LMX1A: variants seen among roughly 807,000 people sequenced by gnomAD.
LMX1A encodes LIM homeobox transcription factor 1-alpha.
LMX1A carries 15 observed loss-of-function variants against 49.1 expected under a neutral mutation model. That is an observed-to-expected ratio of 0.31 (90% CI 0.20 to 0.47). The LOEUF (loss-of-function observed/expected upper bound fraction) is 0.47. Ranked by LOEUF, LMX1A falls within the 20% of genes least tolerant of loss-of-function variation. The probability of loss-of-function intolerance (pLI) is 1.00; values close to 1 mark genes in which losing one functional copy is unlikely to be tolerated. For synonymous variants in LMX1A, 167 were observed against 185.7 expected (o/e 0.90, Z 0.82); for missense variants, 372 against 475.8 (o/e 0.78, Z 2.03).
intron 4 of LMX1A, among the ~76,000 whole-genome samples, chr1:165,240,623 C>A (rs1487700190): frequency 1.3e-5 from 2 of 152,148 alleles, no homozygotes; most frequent in African/African-American, 4.8e-5. Flanking sequence ...AGGTGGCCGC[C>A]TGGAAGGACA....
At chr1:165,324,946 A>C (rs756049049) in intron 3 of LMX1A, among the ~76,000 whole-genome samples, 2 of 152,176 alleles carry the variant, frequency 1.3e-5, no homozygotes, top group Non-Finnish European at 2.9e-5. Context: ...CTTCTATACC[A>C]ATGTTATAAC....
At chr1:165,280,503 T>A (rs192739186) in intron 3 of LMX1A, among the ~76,000 whole-genome samples, 1 of 152,364 alleles carries the variant, frequency 6.6e-6, no homozygotes, top group African/African-American at 2.4e-5. Flanking sequence ...CTTCTCATAT[T>A]TATTCAATGC....
chr1:165,257,402 C>T (rs1653287955), intron 3 of LMX1A, among the ~76,000 whole-genome samples: 1 of 151,790 alleles, frequency 6.6e-6, no homozygotes, highest in South Asian at 2.1e-4. Flanking sequence ...GGTCTTGAGA[C>T]TCCACTGCAG....
chr1:165,279,688 C>G (rs1464907751), intron 3 of LMX1A, among the ~76,000 whole-genome samples: 1 of 152,120 alleles, frequency 6.6e-6, no homozygotes, highest in Non-Finnish European at 1.5e-5. Flanking sequence ...CAAATTTATC[C>G]TGCTATTAGT....
At chr1:165,208,157 TA>T (rs1307608844) in intron 6 of LMX1A, 25 bp from the exon 7 acceptor site, 3 of 1,611,156 alleles carry the variant, frequency 1.9e-6, no homozygotes, top group Non-Finnish European at 2.5e-6. Flanking sequence ...ACCATAGGAT[TA>T]GAAGTCAGGT....
At chr1:165,261,701 A>T (rs1181182103) in intron 3 of LMX1A, among the ~76,000 whole-genome samples, 1 of 152,226 alleles carries the variant, frequency 6.6e-6, no homozygotes, top group Non-Finnish European at 1.5e-5. Flanking sequence ...AATATTATTC[A>T]GCCTTAAAAA....
At chr1:165,294,759 T>C (rs1446205968) in intron 3 of LMX1A, among the ~76,000 whole-genome samples, 1 of 152,154 alleles carries the variant, frequency 6.6e-6, no homozygotes, top group African/African-American at 2.4e-5. Flanking sequence ...AGGTCAGGAA[T>C]TCGAGAACAG....
At chr1:165,347,436 G>A (rs1656285083) in intron 3 of LMX1A, among the ~76,000 whole-genome samples, 1 of 152,198 alleles carries the variant, frequency 6.6e-6, no homozygotes, top group Admixed American at 6.5e-5. Flanking sequence ...CTTCTATGCA[G>A]AGGGTGGGAG....
At chr1:165,271,276 G>C (rs943286375) in intron 3 of LMX1A, among the ~76,000 whole-genome samples, 1 of 152,180 alleles carries the variant, frequency 6.6e-6, no homozygotes, top group Non-Finnish European at 1.5e-5. Context: ...GTCCTGTGAG[G>C]ATGAGAAGCC....
chr1:165,314,101 G>A (rs964143139), intron 3 of LMX1A, among the ~76,000 whole-genome samples: 1 of 152,182 alleles, frequency 6.6e-6, no homozygotes, highest in African/African-American at 2.4e-5. Flanking sequence ...CCTAAGCCAG[G>A]CAGCAAATAA....
chr1:165,238,205 T>C (rs1482927752), intron 4 of LMX1A, among the ~76,000 whole-genome samples: 2 of 150,540 alleles, frequency 1.3e-5, no homozygotes, highest in Non-Finnish European at 3.0e-5. Context: ...GGTCAGCTTG[T>C]AGAAGAAGCA....
At position 165,355,631 on chromosome 1, in the gene LMX1A, C is replaced by G. The variant is rs1284551410; in HGVS notation, c.-22-50G>C. 1 of 1,432,660 alleles carries G rather than the reference C, an allele frequency of 7.0e-7. No individual in the cohort carries two copies. The highest frequency in any genetic ancestry group is 1.2e-5 in the South Asian group (1 of 83,588). The allele number at this position is 1,432,660 out of a possible 1,614,324, so 88.7% of individuals were successfully genotyped here. A position where few individuals can be genotyped will look rare whatever the true frequency, so the allele number is the denominator to read the frequency against. Reference sequence around the variant, plus strand: ...TCTGACGTCCGTGCCCGCTGGGACTCGGCGCCAGCAGCCACCGCACTCCTG... The same window carrying G: ...TCTGACGTCCGTGCCCGCTGGGACTGGGCGCCAGCAGCCACCGCACTCCTG... On this transcript the variant is annotated intron_variant, in intron 1 of 8. Coordinates refer to ENST00000342310, the MANE Select transcript of LMX1A (RefSeq NM_177398.4). This position sits in a 1 kb window ranked among gnomAD's most constrained non-coding sequence, Gnocchi z 4.7.
intron 3 of LMX1A, among the ~76,000 whole-genome samples, chr1:165,322,750 C>A (rs1016966365): frequency 1.3e-5 from 2 of 152,082 alleles, no homozygotes; most frequent in Non-Finnish European, 2.9e-5. Flanking sequence ...ATAATGGTTG[C>A]ACAAAATTGT....
At chr1:165,336,691 G>T (rs1290203433) in intron 3 of LMX1A, among the ~76,000 whole-genome samples, 2 of 152,050 alleles carry the variant, frequency 1.3e-5, no homozygotes, top group Non-Finnish European at 2.9e-5. Flanking sequence ...CAGCTCAGGG[G>T]GAATATCTTG....
chr1:165,205,009 G>C (rs1182388094), intron 8 of LMX1A, among the ~76,000 whole-genome samples: 1 of 151,388 alleles, frequency 6.6e-6, no homozygotes, highest in Non-Finnish European at 1.5e-5. Flanking sequence ...TTTTTTTCAT[G>C]AAGGCAAAAA....
intron 4 of LMX1A, among the ~76,000 whole-genome samples, chr1:165,216,575 A>G (rs1178513456): frequency 1.3e-5 from 2 of 152,222 alleles, no homozygotes; most frequent in Non-Finnish European, 2.9e-5. Context: ...GGAGATTCCC[A>G]GTATAGAATA....
intron 3 of LMX1A, among the ~76,000 whole-genome samples, chr1:165,256,067 C>A (rs912580639): frequency 3.3e-5 from 5 of 152,168 alleles, no homozygotes; most frequent in Non-Finnish European, 7.3e-5. Context: ...ATGACTGCAT[C>A]TCCAGAGCAT....
intron 3 of LMX1A, among the ~76,000 whole-genome samples, chr1:165,297,220 C>G (rs1654643732): frequency 6.6e-6 from 1 of 152,236 alleles, no homozygotes; most frequent in Non-Finnish European, 1.5e-5. Context: ...TGCTGGAAAT[C>G]TCTTTCCTTC....
At chr1:165,215,669 T>G (rs761848306) in intron 4 of LMX1A, among the ~76,000 whole-genome samples, 8 of 152,220 alleles carry the variant, frequency 5.3e-5, no homozygotes, top group Non-Finnish European at 1.0e-4. Flanking sequence ...TAATGGCTTC[T>G]TCCTTCCACG....
Sources: allele counts gnomAD v4.1 joint callset (sites outside exome capture counted in the v4.1 genomes callset), GRCh38; gene constraint gnomAD v4.1.1; non-coding constraint Gnocchi (gnomAD v3.1); transcripts MANE v1.5; gene names NCBI Gene and HGNC (gene_info 2026-07-23, HGNC 2026-07-21).